Variants in BCL7C observed in about 807,000 individuals in gnomAD.
BCL7C encodes B-cell CLL/lymphoma 7 protein family member C.
A neutral mutation model predicts 26.2 loss-of-function variants in BCL7C; 8 were observed. The observed-to-expected ratio is 0.30, with a 90% CI of 0.18 to 0.55. The LOEUF (loss-of-function observed/expected upper bound fraction) is 0.55, where lower values mean the gene tolerates loss of function less well. Ranked by LOEUF, BCL7C falls within the 20% of genes least tolerant of loss-of-function variation. The pLI is 0.93. For synonymous variants in BCL7C, 90 were observed against 116.5 expected, an observed-to-expected ratio of 0.77 and a Z score of 1.47; for missense variants, 262 against 298.5, an observed-to-expected ratio of 0.88 and a Z score of 0.90.
chr16:30,841,936 A>G (rs963700267), intron 5 of BCL7C, among the ~76,000 whole-genome samples: 1 of 141,392 alleles, frequency 7.1e-6, no homozygotes, highest in African/African-American at 2.7e-5. Context: ...GCCTGGGCCA[A>G]ATGCGAGACT....
chr16:30,850,957 C>T (rs1166844718), intron 5 of BCL7C, among the ~76,000 whole-genome samples: 1 of 152,170 alleles, frequency 6.6e-6, no homozygotes, highest in Non-Finnish European at 1.5e-5. Flanking sequence ...CGGTTTCGCA[C>T]CATGAATTTT....
intron 5 of BCL7C, among the ~76,000 whole-genome samples, chr16:30,845,143 G>A (rs1206956912): frequency 6.6e-6 from 1 of 152,130 alleles, no homozygotes; most frequent in East Asian, 1.9e-4. Flanking sequence ...CCTGGCACTT[G>A]GATAGTTTTT....
intron 5 of BCL7C, chr16:30,851,704 G>T: frequency 1.4e-6 from 1 of 721,064 alleles, no homozygotes; most frequent in Non-Finnish European, 2.3e-6. Context: ...GATTCAGAAA[G>T]TTGCAGTGGA....
intron 5 of BCL7C, among the ~76,000 whole-genome samples, chr16:30,882,562 T>A (rs2055059681): frequency 6.6e-6 from 1 of 152,112 alleles, no homozygotes; most frequent in Non-Finnish European, 1.5e-5. Context: ...GAGCAGCCAG[T>A]GTGAGCAAAA....
intron 4 of BCL7C, among the ~76,000 whole-genome samples, chr16:30,890,095 C>T (rs114268550): frequency 0.011 from 1,606 of 152,014 alleles, 29 homozygotes; most frequent in African/African-American, 0.032. Flanking sequence ...GGTTTGACTG[C>T]ATGGAAGAAA....
At chr16:30,849,377 T>C (rs1341945947) in intron 5 of BCL7C, among the ~76,000 whole-genome samples, 1 of 152,094 alleles carries the variant, frequency 6.6e-6, no homozygotes, top group Non-Finnish European at 1.5e-5. Context: ...ATAAAATGTC[T>C]TTTGTATCTA....
At chr16:30,892,529 G>C in intron 4 of BCL7C, 57 bp downstream of exon 4, 2 of 1,503,806 alleles carry the variant, frequency 1.3e-6, no homozygotes, top group South Asian at 2.7e-5. Context: ...TGGTAGGTTA[G>C]ACTCTGGAGA....
chr16:30,835,067 T>C, exon 6 of BCL7C: 1 of 1,548,190 alleles, frequency 6.5e-7, no homozygotes, highest in Non-Finnish European at 8.7e-7. Context: ...CGGAGGCCCC[T>C]CCTGGGCAGG....
chr16:30,838,551 G>C (rs1036275796), intron 5 of BCL7C, among the ~76,000 whole-genome samples: 3 of 152,226 alleles, frequency 2.0e-5, no homozygotes, highest in African/African-American at 7.2e-5. Flanking sequence ...GGGAGGCCAA[G>C]GTGGGTGGGT....
Position 30,888,181 on chromosome 16 carries a change from G to A in BCL7C, c.529-191C>T, listed in dbSNP as rs78708752. Among the ~76,000 whole-genome samples the A allele has an allele frequency of 8.5e-3, 1,293 of 152,318 alleles. 20 individuals carry two copies. The highest frequency in any genetic ancestry group is 0.028 in the African/African-American group (1,162 of 41,564). ...CGACAGTGACACTGTGTGGAGGAAC[G>A]AACCTGATATTTGATATTTCTGAAA... On this transcript the variant is annotated intron_variant, in intron 5 of 5. Transcript: ENST00000215115.
At chr16:30,885,413 CT>C (rs976698363), downstream of BCL7C, among the ~76,000 whole-genome samples, 265 of 141,568 alleles carry the variant, frequency 1.9e-3, no homozygotes, top group Middle Eastern at 3.6e-3. Context: ...GTGGCTTTTT[CT>C]TTTTTTTTTT....
intron 5 of BCL7C, among the ~76,000 whole-genome samples, chr16:30,845,297 T>TAGAA (rs2054627174): frequency 6.6e-6 from 1 of 152,234 alleles, no homozygotes; most frequent in Non-Finnish European, 1.5e-5. Flanking sequence ...ATCTAACAGG[T>TAGAA]AGAAAGCATG....
intron 5 of BCL7C, among the ~76,000 whole-genome samples, chr16:30,882,208 C>T (rs1329795583): frequency 6.6e-6 from 1 of 152,172 alleles, no homozygotes; most frequent in Non-Finnish European, 1.5e-5. Context: ...GGTGATTTGC[C>T]TGCCTCGGCC....
At chr16:30,879,335 G>A (rs1423698520) in intron 5 of BCL7C, among the ~76,000 whole-genome samples, 1 of 152,098 alleles carries the variant, frequency 6.6e-6, no homozygotes, top group Non-Finnish European at 1.5e-5. Flanking sequence ...GCATTCACCT[G>A]AGTCTCTGAG....
In BCL7C at chr16:30,892,738, C is replaced by T; in HGVS notation, c.290G>A (p.Ser97Asn). The T allele has an allele frequency of 6.2e-7, 1 of 1,614,168 alleles. No homozygotes were observed. Among genetic ancestry groups the T allele is most frequent in the South Asian group, 1.1e-5 (1 of 91,092 alleles). The change falls in exon 4 of 6, where the codon AGC becomes AAC. Residue 97 changes from serine to asparagine, a missense_variant. Physicochemically the swap from Ser to Asn is conservative, Grantham distance 46. Coordinates refer to ENST00000215115, the MANE Select transcript of BCL7C (RefSeq NM_004765.4). ...LILLDLNDEN[S>N]NQSFHSEGSL... is the part of the protein sequence containing the mutation. Reference sequence around the variant, plus strand: ...ACCTTCCGAATGGAAACTCTGGTTGCTGTTCTCATCTGCGGGAGCAAGAGC... The same window carrying T: ...ACCTTCCGAATGGAAACTCTGGTTGTTGTTCTCATCTGCGGGAGCAAGAGC...
intron 5 of BCL7C, among the ~76,000 whole-genome samples, chr16:30,872,398 G>A (rs1185556987): frequency 6.6e-6 from 1 of 152,120 alleles, no homozygotes; most frequent in Non-Finnish European, 1.5e-5. Flanking sequence ...AGGGACCCCT[G>A]TGGGCTTGGA....
Position 30,834,935 on chromosome 16 carries a change from T to A in BCL7C, c.*13A>T. 1 of 1,513,508 alleles carries A rather than the reference T, an allele frequency of 6.6e-7. No individual in the cohort carries two copies. The highest frequency in any genetic ancestry group is 8.9e-7 in the Non-Finnish European group (1 of 1,126,768). The allele number at this position is 1,513,508 out of a possible 1,614,324, so 93.8% of individuals were successfully genotyped here. On this transcript the variant is annotated 3_prime_UTR_variant, in exon 6 of 6. Transcript: ENST00000380317. The surrounding 1 kb of genome is among the most constrained non-coding windows in gnomAD (Gnocchi z 4.3). ...GGAGGCTTTAGGGGTCTTGGCTTGC[T>A]TGGGGAGCCCACTCACCTCCCCTTA...
downstream of BCL7C, among the ~76,000 whole-genome samples, chr16:30,886,392 G>A (rs755564575): frequency 6.6e-6 from 1 of 152,146 alleles, no homozygotes; most frequent in Non-Finnish European, 1.5e-5. Flanking sequence ...GAGTAACAGA[G>A]CCAGGACTTG....
chr16:30,881,978 T>C (rs1471901269), intron 5 of BCL7C, among the ~76,000 whole-genome samples: 13 of 152,100 alleles, frequency 8.5e-5, no homozygotes, highest in Admixed American at 8.5e-4. Context: ...GTTCTTTTTT[T>C]TTTTGAGACA....
Sources: gnomAD v4.1 joint callset for allele counts (sites outside exome capture counted in the v4.1 genomes callset) on GRCh38, gnomAD v4.1.1 for gene constraint, Gnocchi (gnomAD v3.1) non-coding constraint, MANE v1.5 for transcripts, NCBI Gene and HGNC (gene_info 2026-07-23, HGNC 2026-07-21) for gene names.